Variants in CSMD1 observed in about 807,000 individuals in gnomAD.
CSMD1 encodes CUB and sushi domain-containing protein 1.
CSMD1 carries 213 observed loss-of-function variants against 417.5 expected under a neutral mutation model. That is an observed-to-expected ratio of 0.51 (90% CI 0.46 to 0.57). CSMD1 has a LOEUF of 0.57. Ranked by LOEUF, CSMD1 falls within the 20% of genes least tolerant of loss-of-function variation. CSMD1 has a pLI of 0.00. For synonymous variants in CSMD1, 2,862 were observed against 1,736.8 expected (o/e 1.65, Z -16.11); for missense variants, 6,923 against 4,529.7 (o/e 1.53, Z -15.17).
intron 3 of CSMD1, among the ~76,000 whole-genome samples, chr8:4,338,946 G>A (rs931276241): frequency 2.6e-5 from 4 of 152,130 alleles, no homozygotes; most frequent in African/African-American, 7.2e-5. Context: ...AAGCGTATCT[G>A]AACATAGGTC....
At chr8:3,939,621 G>A (rs1489531071) in intron 5 of CSMD1, among the ~76,000 whole-genome samples, 3 of 152,072 alleles carry the variant, frequency 2.0e-5, no homozygotes, top group African/African-American at 4.8e-5. Flanking sequence ...CAATGAAAGT[G>A]ATCATCAGCC....
At chr8:4,462,022 G>A (rs1031548351) in intron 2 of CSMD1, among the ~76,000 whole-genome samples, 7 of 151,924 alleles carry the variant, frequency 4.6e-5, no homozygotes, top group African/African-American at 1.2e-4. Flanking sequence ...ATTACAGGCT[G>A]AGCCACCACG....
At chr8:4,295,360 G>T (rs865841897) in intron 3 of CSMD1, among the ~76,000 whole-genome samples, 2 of 139,776 alleles carry the variant, frequency 1.4e-5, no homozygotes, top group African/African-American at 5.2e-5. Context: ...ATAACCTTAA[G>T]ATTATATATG....
At chr8:4,590,022 T>C (rs1799903731) in intron 2 of CSMD1, among the ~76,000 whole-genome samples, 1 of 152,242 alleles carries the variant, frequency 6.6e-6, no homozygotes, top group African/African-American at 2.4e-5. Context: ...CTCCAAATGC[T>C]TGTCTATGCT....
At chr8:4,587,468 GATACATATGTATATGTAC>G (rs1799765537) in intron 2 of CSMD1, among the ~76,000 whole-genome samples, 1 of 151,026 alleles carries the variant, frequency 6.6e-6, no homozygotes, top group Non-Finnish European at 1.5e-5. Flanking sequence ...TGTATATGTA[GATACATATGTATATGTAC>G]ATATATGTAT....
intron 3 of CSMD1, among the ~76,000 whole-genome samples, chr8:4,157,581 C>A (rs1249660563): frequency 6.6e-6 from 1 of 152,160 alleles, no homozygotes; most frequent in Admixed American, 6.5e-5. Flanking sequence ...TGCTAAGACC[C>A]TCTGCCGGTC....
At chr8:3,544,013 T>C (rs1179935931) in intron 10 of CSMD1, among the ~76,000 whole-genome samples, 1 of 152,062 alleles carries the variant, frequency 6.6e-6, no homozygotes, top group Non-Finnish European at 1.5e-5. Flanking sequence ...AGAGTCTAAG[T>C]AGGTAATAAA....
chr8:3,780,890 G>T (rs1484409144), intron 5 of CSMD1, among the ~76,000 whole-genome samples: 1 of 152,166 alleles, frequency 6.6e-6, no homozygotes, highest in Non-Finnish European at 1.5e-5. Context: ...TGTGGAAGGG[G>T]TTTAGGTAAC....
chr8:3,518,871 G>C (rs559584016), intron 10 of CSMD1, among the ~76,000 whole-genome samples: 46 of 152,208 alleles, frequency 3.0e-4, no homozygotes, highest in Non-Finnish European at 6.2e-4. Flanking sequence ...TAACAAGACA[G>C]TCCTATTTAC....
intron 3 of CSMD1, among the ~76,000 whole-genome samples, chr8:4,125,266 C>G (rs1448276909): frequency 6.6e-6 from 1 of 152,208 alleles, no homozygotes; most frequent in Non-Finnish European, 1.5e-5. Context: ...GAAGTCACCC[C>G]TCTGCTCACT....
intron 59 of CSMD1, among the ~76,000 whole-genome samples, chr8:2,965,095 C>A (rs1289682351): frequency 1.3e-5 from 2 of 152,122 alleles, no homozygotes; most frequent in Non-Finnish European, 2.9e-5. Context: ...TTCTTCTTTG[C>A]TTCTGGTAAA....
intron 15 of CSMD1, among the ~76,000 whole-genome samples, chr8:3,401,802 T>C (rs1812055112): frequency 6.6e-6 from 1 of 152,154 alleles, no homozygotes; most frequent in African/African-American, 2.4e-5. Flanking sequence ...AAGGTTCCTT[T>C]AATCTACAAG....
chr8:4,074,822 C>T (rs1384531503), intron 3 of CSMD1, among the ~76,000 whole-genome samples: 2 of 151,946 alleles, frequency 1.3e-5, no homozygotes, highest in Non-Finnish European at 2.9e-5. Flanking sequence ...TCCATGATGC[C>T]TTTTTCTTGG....
chr8:4,908,257 G>T (rs1240751267), intron 1 of CSMD1, among the ~76,000 whole-genome samples: 1 of 152,162 alleles, frequency 6.6e-6, no homozygotes, highest in Non-Finnish European at 1.5e-5. Flanking sequence ...GTAGGGTAAA[G>T]TATTCCTTCC....
intron 54 of CSMD1, among the ~76,000 whole-genome samples, chr8:2,994,145 C>CAAAAAAAAAAAAAAAA (rs35438493): frequency 6.6e-5 from 2 of 30,522 alleles, no homozygotes; most frequent in African/African-American, 4.8e-4. Flanking sequence ...AACTCCATCT[C>CAAAAAAAAAAAAAAAA]AAAAAAAAAA....
chr8:3,917,794 G>C (rs1808929248), intron 5 of CSMD1, among the ~76,000 whole-genome samples: 1 of 152,002 alleles, frequency 6.6e-6, no homozygotes, highest in Non-Finnish European at 1.5e-5. Context: ...CCTATTATTA[G>C]TTTTGCCATT....
intron 23 of CSMD1, among the ~76,000 whole-genome samples, chr8:3,330,305 A>T (rs11776406): frequency 0.17 from 26,093 of 152,208 alleles, 2,883 homozygotes; most frequent in East Asian, 0.35. Flanking sequence ...CATATGTTCG[A>T]TGCAGCAGTA....
At chr8:3,565,098 A>C (rs1387876425) in intron 10 of CSMD1, among the ~76,000 whole-genome samples, 1 of 144,104 alleles carries the variant, frequency 6.9e-6, no homozygotes, top group African/African-American at 2.5e-5. Context: ...ATTGAAAAAA[A>C]ATACTCTTAC....
chr8:4,737,350 G>A (rs1031021204), intron 1 of CSMD1, among the ~76,000 whole-genome samples: 2 of 152,162 alleles, frequency 1.3e-5, no homozygotes, highest in African/African-American at 2.4e-5. Context: ...TGGAGGGTTG[G>A]AGGAGAGAGA....
Sources: gnomAD v4.1 joint callset for allele counts (sites outside exome capture counted in the v4.1 genomes callset) on GRCh38, gnomAD v4.1.1 for gene constraint, MANE v1.5 for transcripts, NCBI Gene and HGNC (gene_info 2026-07-23, HGNC 2026-07-21) for gene names.